The following CLASP1 variants were observed in gnomAD, a reference collection of about 807,000 sequenced individuals.
CLASP1 encodes cytoplasmic linker associated protein 1.
In CLASP1, 38 loss-of-function variants were observed where a neutral mutation model predicts 192.3. The observed-to-expected ratio is 0.20, with a 90% confidence interval of 0.15 to 0.26. The LOEUF (loss-of-function observed/expected upper bound fraction) is 0.26. Ranked by LOEUF, CLASP1 falls within the 10% of genes least tolerant of loss-of-function variation. The pLI, the probability that CLASP1 is intolerant of heterozygous loss-of-function variation, is 1.00. For missense variants in CLASP1, 1,433 were observed against 1,932.5 expected (o/e 0.74, Z 4.85); for synonymous variants, 691 against 712.8 (o/e 0.97, Z 0.49).
intron 1 of CLASP1, among the ~76,000 whole-genome samples, chr2:121,639,667 C>T (rs2071633910): frequency 6.6e-6 from 1 of 152,012 alleles, no homozygotes. Flanking sequence ...AGTTCAAGAC[C>T]AGCCCGGCCA....
At chr2:121,439,339 CTGATT>C (rs2082860038) in intron 19 of CLASP1, among the ~76,000 whole-genome samples, 1 of 152,054 alleles carries the variant, frequency 6.6e-6, no homozygotes, top group South Asian at 2.1e-4. Flanking sequence ...CAGTTCTGCT[CTGATT>C]TTAGTTATTT....
chr2:121,615,544 C>A (rs934457995), intron 1 of CLASP1, among the ~76,000 whole-genome samples: 4 of 151,900 alleles, frequency 2.6e-5, no homozygotes, highest in Non-Finnish European at 4.4e-5. Context: ...AACCTGTAAT[C>A]CCAGCATTTT....
intron 2 of CLASP1, chr2:121,530,756 G>C: frequency 3.8e-6 from 2 of 528,442 alleles, no homozygotes; most frequent in Non-Finnish European, 6.8e-6. Flanking sequence ...GGGTGTCGTC[G>C]AAAGCTGTGG....
chr2:121,513,335 T>G (rs2094194348), intron 7 of CLASP1, among the ~76,000 whole-genome samples: 2 of 152,232 alleles, frequency 1.3e-5, no homozygotes, highest in African/African-American at 4.8e-5. Context: ...CTCTCCGTTT[T>G]GGAGAATTTG....
chr2:121,491,702 A>T (rs953482557), intron 8 of CLASP1, among the ~76,000 whole-genome samples: 12 of 152,236 alleles, frequency 7.9e-5, no homozygotes, highest in Non-Finnish European at 5.9e-5. Context: ...TATTCTCACC[A>T]TTCAAAGCCG....
rs778720560 is a variant in CLASP1, at chr2:121,407,827, A to G, written c.2425-112T>C. The G allele has an allele frequency of 2.8e-5, 32 of 1,158,236 alleles. No homozygotes were observed. In the Admixed American group the frequency reaches 3.0e-4, roughly 11 times the overall value. 71.7% of individuals were successfully genotyped at this position (1,158,236 alleles called of 1,614,324 possible). ...CAAAGAGTTAAGTGTAAAAAGACAC[A>G]TGCACACACACACTTTTCCTGTGCT... On this transcript the variant is annotated intron_variant, in intron 24 of 39. Coordinates refer to ENST00000263710, the Ensembl canonical transcript of CLASP1.
intron 34 of CLASP1, among the ~76,000 whole-genome samples, chr2:121,375,829 G>A (rs1308204745): frequency 6.6e-6 from 1 of 150,656 alleles, no homozygotes; most frequent in Non-Finnish European, 1.5e-5. Flanking sequence ...AGAAAGCCAT[G>A]GTGGTGTCTG....
intron 2 of CLASP1, among the ~76,000 whole-genome samples, chr2:121,531,315 G>A (rs2094863822): frequency 6.6e-6 from 1 of 152,172 alleles, no homozygotes; most frequent in South Asian, 2.1e-4. Flanking sequence ...TGTAATCCAG[G>A]TCGGGCGCGG....
chr2:121,358,368 ACAGAGGGGTAAAGGCATTTCTC>A (rs2065794586), intron 37 of CLASP1, among the ~76,000 whole-genome samples: 3 of 152,212 alleles, frequency 2.0e-5, no homozygotes, highest in African/African-American at 7.2e-5. Context: ...AAACCAAAGT[ACAGAGGGGTAAAGGCATTTCTC>A]CAGAGTTCAT....
rs116592019 is a variant in CLASP1 at position 121,614,293 on chromosome 2, C to T, written c.-285-8113G>A. 6.8e-3 allele frequency among the ~76,000 whole-genome samples: 1,034 copies of T among 152,262 alleles called. 9 individuals are homozygous for T. The highest frequency in any genetic ancestry group is 0.023 in the African/African-American group (945 of 41,564). ...GGTGGATGACCTGAGGTCAGGTGTT[C>T]GAGACTAGCCTGGTCCACATGGTGA... On this transcript the variant is annotated intron_variant, in intron 1 of 39. Coordinates refer to ENST00000263710, the Ensembl canonical transcript of CLASP1.
intron 8 of CLASP1, among the ~76,000 whole-genome samples, chr2:121,471,429 A>C (rs1205994765): frequency 6.6e-6 from 1 of 152,248 alleles, no homozygotes. Context: ...TAAATAAAAA[A>C]AACAACATCT....
At chr2:121,390,617 G>T (rs552046208) in intron 30 of CLASP1, among the ~76,000 whole-genome samples, 1 of 152,172 alleles carries the variant, frequency 6.6e-6, no homozygotes, top group Non-Finnish European at 1.5e-5. Flanking sequence ...CTCCCTAGCA[G>T]ATCAGATCAA....
chr2:121,447,224 A>T, intron 19 of CLASP1, 113 bp downstream of exon 19: 1 of 969,356 alleles, frequency 1.0e-6, no homozygotes, highest in Non-Finnish European at 1.5e-6. Context: ...TTTAAATAGT[A>T]GCCCCACAAC....
chr2:121,430,526 TTTC>T (rs1188085478), intron 19 of CLASP1, among the ~76,000 whole-genome samples: 1 of 152,252 alleles, frequency 6.6e-6, no homozygotes, highest in Admixed American at 6.5e-5. Context: ...CAGATTAAAT[TTTC>T]TTTTTTATTG....
rs535317727 is a variant in CLASP1, at chr2:121,423,005, A to C, written c.2212+2134T>G. Among the ~76,000 whole-genome samples the C allele has an allele frequency of 2.0e-5, 3 of 152,280 alleles. No homozygotes were observed. The East Asian group carries it at 5.8e-4, about 29-fold the overall frequency. ...AGAAACACAGGCATATATCCAGTAT[A>C]TACTAAATGATAATAGTAATATATA... On this transcript the variant is annotated intron_variant, in intron 22 of 39. Transcript: ENST00000263710.
chr2:121,340,570 A>C (rs1427927171), exon 40 of CLASP1: 7 of 312,614 alleles, frequency 2.2e-5, no homozygotes, highest in Non-Finnish European at 3.5e-5. Context: ...ACTGCACCCC[A>C]CACACAGGGT....
chr2:121,420,611 A>G (rs562475459), intron 22 of CLASP1, among the ~76,000 whole-genome samples: 2 of 152,348 alleles, frequency 1.3e-5, no homozygotes, highest in East Asian at 1.9e-4. Flanking sequence ...ATGCACATAC[A>G]TAAGTATTTC....
intron 8 of CLASP1, among the ~76,000 whole-genome samples, chr2:121,478,770 CCCACACACACACCCCACACACACCACACA>C (rs1559366850): frequency 2.0e-4 from 6 of 29,980 alleles, no homozygotes; most frequent in Admixed American, 9.4e-4. Flanking sequence ...CACCACACAC[CCCACACACACACCCCACACACACCACACA>C]CCACACACAC....
At chr2:121,371,647 C>A (rs541816729) in intron 34 of CLASP1, among the ~76,000 whole-genome samples, 1 of 152,276 alleles carries the variant, frequency 6.6e-6, no homozygotes, top group Admixed American at 6.5e-5. Flanking sequence ...CAAAGCAGGC[C>A]TCCTTCCACT....
Sources: gnomAD v4.1 joint callset for allele counts (sites outside exome capture counted in the v4.1 genomes callset) on GRCh38, gnomAD v4.1.1 for gene constraint, MANE v1.5 for transcripts, NCBI Gene and HGNC (gene_info 2026-07-23, HGNC 2026-07-21) for gene names.